The following EXOC6B variants were observed in gnomAD, a reference collection of about 807,000 sequenced individuals.
The protein encoded by EXOC6B is exocyst complex component 6B.
A neutral mutation model predicts 113.5 loss-of-function variants in EXOC6B; 54 were observed. The ratio of observed to expected loss-of-function variants is 0.48; its 90% CI spans 0.38 to 0.60. The LOEUF (loss-of-function observed/expected upper bound fraction) is 0.60. Among genes scored for constraint, EXOC6B ranks in the 20% least tolerant of loss-of-function variants. The probability of loss-of-function intolerance (pLI) is 0.00; values close to 1 mark genes in which losing one functional copy is unlikely to be tolerated. For synonymous variants in EXOC6B, 357 were observed against 339.0 expected, an observed-to-expected ratio of 1.05 and a Z score of -0.58; for missense variants, 797 against 977.5, an observed-to-expected ratio of 0.82 and a Z score of 2.46.
At chr2:72,809,758 C>T (rs1413713796) in intron 1 of EXOC6B, among the ~76,000 whole-genome samples, 1 of 152,042 alleles carries the variant, frequency 6.6e-6, no homozygotes, top group Non-Finnish European at 1.5e-5. Flanking sequence ...ACGGATAAAT[C>T]TGAAATAAGA....
intron 1 of EXOC6B, among the ~76,000 whole-genome samples, chr2:72,785,432 T>C (rs1460231842): frequency 1.3e-5 from 2 of 152,244 alleles, no homozygotes; most frequent in Admixed American, 1.3e-4. Context: ...TAGCAGAGTT[T>C]CTTGATGAGG....
intron 6 of EXOC6B, among the ~76,000 whole-genome samples, chr2:72,626,637 T>C (rs1281114211): frequency 6.6e-6 from 1 of 152,186 alleles, no homozygotes; most frequent in East Asian, 1.9e-4. Context: ...CTATGTGTAA[T>C]AGTTTTGTCT....
chr2:72,658,061 G>C (rs1016326454), intron 6 of EXOC6B, among the ~76,000 whole-genome samples: 1 of 150,222 alleles, frequency 6.7e-6, no homozygotes, highest in African/African-American at 2.4e-5. Context: ...ATAAAGTTCA[G>C]AGAACAGGTT....
At chr2:72,591,141 G>C (rs1178440014) in intron 6 of EXOC6B, among the ~76,000 whole-genome samples, 1 of 152,050 alleles carries the variant, frequency 6.6e-6, no homozygotes, top group Non-Finnish European at 1.5e-5. Context: ...TAGGCTATCA[G>C]AGTTAATCAA....
intron 20 of EXOC6B, among the ~76,000 whole-genome samples, chr2:72,294,609 CATTT>C (rs1167616619): frequency 6.6e-6 from 1 of 152,070 alleles, no homozygotes; most frequent in Admixed American, 6.6e-5. Context: ...AATCTATTTA[CATTT>C]ATTATCATAA....
At chr2:72,579,458 A>G (rs1705067508) in intron 6 of EXOC6B, among the ~76,000 whole-genome samples, 1 of 152,198 alleles carries the variant, frequency 6.6e-6, no homozygotes, top group African/African-American at 2.4e-5. Flanking sequence ...GCAACAGGTA[A>G]CAAAAGGGAA....
intron 8 of EXOC6B, among the ~76,000 whole-genome samples, chr2:72,551,240 C>T: frequency 6.6e-6 from 1 of 152,170 alleles, no homozygotes; most frequent in East Asian, 1.9e-4. Context: ...CTCTGTCACC[C>T]AGGCTGCAGT....
chr2:72,359,387 C>A (rs1411179825), intron 19 of EXOC6B, among the ~76,000 whole-genome samples: 1 of 152,138 alleles, frequency 6.6e-6, no homozygotes, highest in Non-Finnish European at 1.5e-5. Flanking sequence ...AGCATTTGAA[C>A]CCTCCAGAGG....
chr2:72,601,644 A>G (rs1476353061), intron 6 of EXOC6B, among the ~76,000 whole-genome samples: 1 of 152,144 alleles, frequency 6.6e-6, no homozygotes, highest in Non-Finnish European at 1.5e-5. Context: ...CCATCTTACC[A>G]TATGATCCAC....
chr2:72,524,102 C>T (rs1052780137), intron 8 of EXOC6B, among the ~76,000 whole-genome samples: 1 of 151,236 alleles, frequency 6.6e-6, no homozygotes, highest in African/African-American at 2.4e-5. Flanking sequence ...GCTGGAACTC[C>T]CTTTTAACTG....
chr2:72,315,054 G>A (rs893484351), intron 20 of EXOC6B, among the ~76,000 whole-genome samples: 16 of 152,188 alleles, frequency 1.1e-4, no homozygotes, highest in African/African-American at 3.9e-4. Context: ...TTTTGCTTCG[G>A]TTATGGTTTG....
At chr2:72,368,785 G>A (rs1358591293) in intron 19 of EXOC6B, among the ~76,000 whole-genome samples, 2 of 152,144 alleles carry the variant, frequency 1.3e-5, no homozygotes, top group Admixed American at 1.3e-4. Flanking sequence ...CTCAATAGAT[G>A]CAGAAAAGGC....
intron 8 of EXOC6B, among the ~76,000 whole-genome samples, chr2:72,525,077 G>C (rs1701687830): frequency 6.6e-6 from 1 of 152,182 alleles, no homozygotes; most frequent in Admixed American, 6.5e-5. Flanking sequence ...AGCCATAGGA[G>C]AGCATCCCCT....
intron 6 of EXOC6B, among the ~76,000 whole-genome samples, chr2:72,654,134 T>G (rs995957647): frequency 3.3e-5 from 5 of 152,080 alleles, no homozygotes; most frequent in African/African-American, 1.2e-4. Context: ...CGCGCCCGGC[T>G]AATTTTTTTG....
intron 6 of EXOC6B, among the ~76,000 whole-genome samples, chr2:72,617,377 A>G (rs1270219855): frequency 1.3e-5 from 2 of 152,108 alleles, no homozygotes; most frequent in Non-Finnish European, 2.9e-5. Context: ...CTCTGACCCC[A>G]CATTTCCCTT....
At chr2:72,566,804 C>T (rs952597535) in intron 7 of EXOC6B, among the ~76,000 whole-genome samples, 1 of 151,756 alleles carries the variant, frequency 6.6e-6, no homozygotes, top group Non-Finnish European at 1.5e-5. Context: ...CTGAATAAAC[C>T]ATGGTACATC....
intron 19 of EXOC6B, among the ~76,000 whole-genome samples, chr2:72,358,794 C>T (rs989107902): frequency 6.6e-6 from 1 of 152,064 alleles, no homozygotes; most frequent in Non-Finnish European, 1.5e-5. Flanking sequence ...TCTCCAGTTC[C>T]ATACCATGCT....
At chr2:72,238,536 T>C (rs1407851761) in intron 20 of EXOC6B, among the ~76,000 whole-genome samples, 1 of 152,222 alleles carries the variant, frequency 6.6e-6, no homozygotes, top group Non-Finnish European at 1.5e-5. Flanking sequence ...TATGAAAGTG[T>C]CAATTTCTCC....
At chr2:72,523,473 T>C (rs1309335329) in intron 8 of EXOC6B, among the ~76,000 whole-genome samples, 1 of 152,046 alleles carries the variant, frequency 6.6e-6, no homozygotes, top group Non-Finnish European at 1.5e-5. Context: ...GGACAGACCT[T>C]ATATTCTCTT....
Sources: gnomAD v4.1 joint callset for allele counts (sites outside exome capture counted in the v4.1 genomes callset) on GRCh38, gnomAD v4.1.1 for gene constraint, MANE v1.5 for transcripts, NCBI Gene and HGNC (gene_info 2026-07-23, HGNC 2026-07-21) for gene names.